The following MTBP variants were observed in gnomAD, a reference collection of about 807,000 sequenced individuals.
The protein encoded by MTBP is MDM2 binding protein, also known as mdm2-binding protein.
In MTBP, 101 loss-of-function variants were observed where a neutral mutation model predicts 117.0. The ratio of observed to expected loss-of-function variants is 0.86; its 90% CI spans 0.73 to 1.02. The LOEUF is 1.02. Among genes scored for constraint, MTBP ranks in the 50% least tolerant of loss-of-function variants. The pLI, the probability that MTBP is intolerant of heterozygous loss-of-function variation, is 0.00. For synonymous variants in MTBP, 350 were observed against 351.5 expected, an observed-to-expected ratio of 1.00 and a Z score of 0.05; for missense variants, 970 against 1,030.9, an observed-to-expected ratio of 0.94 and a Z score of 0.81.
At chr8:120,460,990 A>G (rs1391318579) in intron 8 of MTBP, among the ~76,000 whole-genome samples, 171 bp from the exon 9 acceptor site, 1 of 152,186 alleles carries the variant, frequency 6.6e-6, no homozygotes, top group East Asian at 1.9e-4. Context: ...GAAAGGTAGA[A>G]TTGAAATTGA....
Position 120,518,723 on chromosome 8 carries a change from C to G in MTBP, c.2516C>G (p.Thr839Ser). The change falls in exon 20 of 22, where the codon ACT becomes AGT. Residue 839 changes from threonine to serine, a missense_variant. Thr to Ser is a moderately conservative substitution (Grantham distance 58). Coordinates refer to ENST00000305949, the MANE Select transcript of MTBP (RefSeq NM_022045.5). Reference sequence around the variant, plus strand: ...TTCAAGATACTGAAAGAAGTAGTTACTGAAACCCTGAAGAAACACAGTATT... The same window carrying G: ...TTCAAGATACTGAAAGAAGTAGTTAGTGAAACCCTGAAGAAACACAGTATT... ...KHTRILKEVV[T>S]ETLKKHSITE... 1 of 1,609,374 alleles carries G rather than the reference C, an allele frequency of 6.2e-7. No individual in the cohort carries two copies.
chr8:120,511,063 C>T (rs865833377), intron 17 of MTBP, among the ~76,000 whole-genome samples: 1 of 152,178 alleles, frequency 6.6e-6, no homozygotes, highest in South Asian at 2.1e-4. Flanking sequence ...TTGTGAACAA[C>T]AGATCGGCAA....
intron 19 of MTBP, among the ~76,000 whole-genome samples, 193 bp downstream of exon 19, chr8:120,518,293 T>C (rs1341565791): frequency 2.0e-5 from 3 of 152,014 alleles, no homozygotes; most frequent in African/African-American, 7.2e-5. Flanking sequence ...TAATCATACT[T>C]GAAGCTGGTT....
intron 11 of MTBP, chr8:120,472,970 T>C (rs1238100253): frequency 6.6e-6 from 1 of 152,144 alleles, no homozygotes; most frequent in African/African-American, 2.4e-5. Context: ...TTTAGAAATA[T>C]AGTCATCCCT....
At chr8:120,454,208 C>T in intron 5 of MTBP, among the ~76,000 whole-genome samples, 1 of 152,028 alleles carries the variant, frequency 6.6e-6, no homozygotes, top group East Asian at 1.9e-4. Context: ...TGTTGCTTTT[C>T]AGAGTATGTT....
rs61753755 is a variant in MTBP, at chr8:120,451,185, T to C, written c.288T>C (p.Asp96=). The C allele has an allele frequency of 0.025, 40,014 of 1,604,230 alleles. 722 individuals carry two copies. The highest frequency in any genetic ancestry group is 0.086 in the African/African-American group (6,383 of 74,550). The change falls in exon 4 of 22, where the codon GAT becomes GAC. Residue 96 remains aspartate (D), a synonymous_variant. Transcript: ENST00000305949. ...TGATTTGTTAGTTTTGTAGTTCTGATTGGCAAGAGATACATTTTGATACAG... is the reference window on the plus strand; with the variant it reads ...TGATTTGTTAGTTTTGTAGTTCTGACTGGCAAGAGATACATTTTGATACAG... ...IYGFYQFCSS[D]WQEIHFDTEK...
intron 7 of MTBP, among the ~76,000 whole-genome samples, chr8:120,457,528 T>C (rs1813494362): frequency 6.6e-6 from 1 of 152,164 alleles, no homozygotes; most frequent in Non-Finnish European, 1.5e-5. Flanking sequence ...GGAATCAATG[T>C]GGCTGGATTT....
chr8:120,501,294 G>A (rs557819053), intron 14 of MTBP, among the ~76,000 whole-genome samples: 18 of 152,040 alleles, frequency 1.2e-4, no homozygotes, highest in African/African-American at 2.4e-4. Flanking sequence ...CCTGGGAGGC[G>A]GAGCTTGCAG....
At chr8:120,464,294 A>T (rs1050093207) in intron 10 of MTBP, among the ~76,000 whole-genome samples, 1 of 151,976 alleles carries the variant, frequency 6.6e-6, no homozygotes, top group Non-Finnish European at 1.5e-5. Flanking sequence ...TTTTAACTTT[A>T]AAAAAATTAC....
In MTBP at chr8:120,457,142, T is replaced by C. The variant is rs114432284; in HGVS notation, c.747+472T>C. ...CTGTTTATTAACCAGCCCTCAGATT[T>C]TGAACAAATTTTTTTAACCTTACTG... On this transcript the variant is annotated intron_variant, in intron 7 of 21. Coordinates refer to ENST00000305949, the MANE Select transcript of MTBP (RefSeq NM_022045.5). Among the ~76,000 whole-genome samples the C allele has an allele frequency of 5.1e-3, 770 of 152,218 alleles. 8 individuals carry two copies. Among genetic ancestry groups the C allele is most frequent in the African/African-American group, 0.016 (685 of 41,540 alleles).
intron 9 of MTBP, among the ~76,000 whole-genome samples, chr8:120,462,916 G>A (rs1813611069): frequency 6.6e-6 from 1 of 152,096 alleles, no homozygotes; most frequent in Non-Finnish European, 1.5e-5. Context: ...GGTTTGCAAA[G>A]TGCACTGTAA....
rs759123049 is a variant in MTBP, at chr8:120,445,457, T to A, written c.-14T>A. 4 of 1,605,536 alleles carry A rather than the reference T, an allele frequency of 2.5e-6. No homozygotes were observed. The East Asian group carries it at 8.9e-5, about 36-fold the overall frequency. On this transcript the variant is annotated 5_prime_UTR_variant, in exon 1 of 22. It removes the in-frame stop codon of an upstream open reading frame in the 5' UTR. Coordinates refer to ENST00000305949, the MANE Select transcript of MTBP (RefSeq NM_022045.5). ...GAAGCCGAGACCTAAAGTTGGGGGG[T>A]GATCTCTGAGGAGATGGATCGGTAC...
At chr8:120,466,033 T>C (rs1813681966) in intron 10 of MTBP, among the ~76,000 whole-genome samples, 1 of 152,132 alleles carries the variant, frequency 6.6e-6, no homozygotes, top group Non-Finnish European at 1.5e-5. Context: ...CAAACCATGA[T>C]TGTAAAATAT....
intron 8 of MTBP, 100 bp downstream of exon 8, chr8:120,459,449 A>C: frequency 3.4e-6 from 4 of 1,183,842 alleles, no homozygotes; most frequent in Non-Finnish European, 4.7e-6. Context: ...TATGTGCTTA[A>C]GTGTGCTCAC....
At chr8:120,447,759 C>G (rs1011067066) in intron 2 of MTBP, among the ~76,000 whole-genome samples, 2 of 152,066 alleles carry the variant, frequency 1.3e-5, no homozygotes, top group Non-Finnish European at 2.9e-5. Flanking sequence ...ACCTTAGGTA[C>G]ATTGAGAATT....
chr8:120,484,762 A>C (rs1398549846), intron 11 of MTBP, among the ~76,000 whole-genome samples: 1 of 152,178 alleles, frequency 6.6e-6, no homozygotes, highest in Non-Finnish European at 1.5e-5. Context: ...AGGGCATCTT[A>C]ATCTCCCCGG....
intron 18 of MTBP, 110 bp downstream of exon 18, chr8:120,516,301 A>T: frequency 9.9e-7 from 1 of 1,013,908 alleles, no homozygotes; most frequent in Non-Finnish European, 1.4e-6. Context: ...CATGGCAAGA[A>T]GTTTGTTTTA....
Position 120,507,922 on chromosome 8 carries a change from C to T in MTBP, c.1883+1061C>T, listed in dbSNP as rs541649951. On this transcript the variant is annotated intron_variant, in intron 16 of 21. Coordinates refer to ENST00000305949, the MANE Select transcript of MTBP (RefSeq NM_022045.5). Reference sequence around the variant, plus strand: ...TACTGTCCTTTCAAATCATTAAGCACAAACTGGCAGAGTCAGTTGGTTTGC... The same window carrying T: ...TACTGTCCTTTCAAATCATTAAGCATAAACTGGCAGAGTCAGTTGGTTTGC... 4.7e-4 allele frequency among the ~76,000 whole-genome samples: 71 copies of T among 152,202 alleles called. No individual in the cohort carries two copies. In the South Asian group the frequency reaches 0.015, roughly 31 times the overall value.
In MTBP at chr8:120,459,243, T is replaced by G. The variant is rs201396253; in HGVS notation, c.776T>G (p.Phe259Cys). The G allele has an allele frequency of 6.2e-7, 1 of 1,609,638 alleles. No individual in the cohort carries two copies. Among genetic ancestry groups the G allele is most frequent in the Non-Finnish European group, 8.5e-7 (1 of 1,178,150 alleles). The change falls in exon 8 of 22, where the codon TTT becomes TGT. Residue 259 changes from phenylalanine to cysteine, a missense_variant. Transcript: ENST00000305949. ...GGATTTGAAATTAGTTTTCCTGAAT[T>G]TTGTTTAAAGGGAGTCACACTTAAG... Reference protein sequence around the residue: ...KFGFEISFPEFCLKGVTLKNF... With the variant: ...KFGFEISFPECCLKGVTLKNF...
Sources: allele counts gnomAD v4.1 joint callset (sites outside exome capture counted in the v4.1 genomes callset), GRCh38; gene constraint gnomAD v4.1.1; transcripts MANE v1.5; gene names NCBI Gene and HGNC (gene_info 2026-07-23, HGNC 2026-07-21).